Variants in PTPRD observed in about 807,000 individuals in gnomAD.
PTPRD encodes protein tyrosine phosphatase receptor type D, also known as receptor-type tyrosine-protein phosphatase delta.
PTPRD carries 34 observed loss-of-function variants against 214.5 expected under a neutral mutation model. The observed-to-expected ratio is 0.16, with a 90% CI of 0.12 to 0.21. The LOEUF (loss-of-function observed/expected upper bound fraction) is 0.21. PTPRD is among the 10% of genes least tolerant of loss of function. The probability of loss-of-function intolerance (pLI) is 1.00; values close to 1 mark genes in which losing one functional copy is unlikely to be tolerated. For missense variants in PTPRD, 2,545 were observed against 2,398.7 expected (o/e 1.06, Z -1.27); for synonymous variants, 1,128 against 845.7 (o/e 1.33, Z -5.79).
chr9:8,738,936 AT>A (rs1306797824), intron 11 of PTPRD, among the ~76,000 whole-genome samples: 6 of 152,350 alleles, frequency 3.9e-5, no homozygotes, highest in Admixed American at 3.9e-4. Flanking sequence ...CATAAAAGAT[AT>A]GCATTAAGTT....
At chr9:9,864,006 G>C (rs2063372945) in intron 5 of PTPRD, among the ~76,000 whole-genome samples, 1 of 152,080 alleles carries the variant, frequency 6.6e-6, no homozygotes, top group East Asian at 1.9e-4. Flanking sequence ...ATGAGGCCTA[G>C]TAAGTTTGAA....
At chr9:9,626,015 AATAGGTAAGCG>A in intron 7 of PTPRD, among the ~76,000 whole-genome samples, 1 of 152,200 alleles carries the variant, frequency 6.6e-6, no homozygotes, top group Non-Finnish European at 1.5e-5. Flanking sequence ...AGCAATCAAC[AATAGGTAAGCG>A]AAAGAGCATG....
chr9:8,539,984 T>C (rs1290810448), intron 14 of PTPRD, among the ~76,000 whole-genome samples: 1 of 152,140 alleles, frequency 6.6e-6, no homozygotes, highest in African/African-American at 2.4e-5. Flanking sequence ...CTGATTTCGA[T>C]AGTCCCATTG....
intron 2 of PTPRD, among the ~76,000 whole-genome samples, chr9:10,503,186 T>C (rs898131506): frequency 1.7e-4 from 2 of 12,018 alleles, no homozygotes; most frequent in South Asian, 7.3e-3. Flanking sequence ...GAGACACAGC[T>C]GCAATACAAA....
chr9:9,165,937 T>G (rs1038596078), intron 10 of PTPRD, among the ~76,000 whole-genome samples: 40 of 152,188 alleles, frequency 2.6e-4, no homozygotes, highest in Admixed American at 1.5e-3. Flanking sequence ...AACCAGCCTT[T>G]TCCCCTTAAG....
At chr9:9,000,122 T>C (rs2099412150) in intron 11 of PTPRD, among the ~76,000 whole-genome samples, 1 of 152,038 alleles carries the variant, frequency 6.6e-6, no homozygotes, top group African/African-American at 2.4e-5. Flanking sequence ...GAGATGTGTC[T>C]AACAAAGTTG....
At chr9:9,082,541 G>A (rs911636778) in intron 10 of PTPRD, among the ~76,000 whole-genome samples, 1 of 152,174 alleles carries the variant, frequency 6.6e-6, no homozygotes, top group African/African-American at 2.4e-5. Context: ...GGTATTGGAA[G>A]TTCCGGCCAG....
At chr9:8,428,884 G>A (rs2094865571) in intron 35 of PTPRD, among the ~76,000 whole-genome samples, 1 of 152,218 alleles carries the variant, frequency 6.6e-6, no homozygotes, top group Non-Finnish European at 1.5e-5. Context: ...TGAATACACT[G>A]TGGCACATGT....
intron 32 of PTPRD, among the ~76,000 whole-genome samples, chr9:8,464,339 T>G (rs2096495414): frequency 6.6e-6 from 1 of 152,026 alleles, no homozygotes; most frequent in South Asian, 2.1e-4. Context: ...ATGTTCTGCC[T>G]TAAAACCTTC....
At chr9:9,205,485 C>T (rs977287223) in intron 9 of PTPRD, among the ~76,000 whole-genome samples, 5 of 151,944 alleles carry the variant, frequency 3.3e-5, no homozygotes, top group African/African-American at 1.2e-4. Flanking sequence ...AATATAGATC[C>T]AAAAGAAACC....
At chr9:8,568,371 T>A (rs993453966) in intron 14 of PTPRD, among the ~76,000 whole-genome samples, 1 of 152,116 alleles carries the variant, frequency 6.6e-6, no homozygotes, top group Non-Finnish European at 1.5e-5. Context: ...TGACAGCAAC[T>A]TACACATTAC....
At chr9:9,356,131 A>C (rs1178954108) in intron 9 of PTPRD, among the ~76,000 whole-genome samples, 5 of 151,420 alleles carry the variant, frequency 3.3e-5, no homozygotes, top group Admixed American at 1.3e-4. Flanking sequence ...TATAGACATT[A>C]ATTTCAGGAA....
chr9:10,567,729 T>A (rs1266311721), intron 2 of PTPRD, among the ~76,000 whole-genome samples: 1 of 151,800 alleles, frequency 6.6e-6, no homozygotes, highest in Non-Finnish European at 1.5e-5. Context: ...AAATAATTAT[T>A]TGTCTCTGAA....
intron 3 of PTPRD, among the ~76,000 whole-genome samples, chr9:10,082,692 G>A (rs2098260258): frequency 6.6e-6 from 1 of 151,662 alleles, no homozygotes; most frequent in Admixed American, 6.6e-5. Flanking sequence ...ATGAACTTAA[G>A]AACAGCTGAC....
chr9:8,605,499 GA>G (rs1409539655), intron 14 of PTPRD, among the ~76,000 whole-genome samples: 2 of 152,288 alleles, frequency 1.3e-5, no homozygotes, highest in East Asian at 3.9e-4. Context: ...GAGCTTCAGT[GA>G]AGACTCCTCA....
chr9:9,384,616 C>T (rs1307267918), intron 9 of PTPRD, among the ~76,000 whole-genome samples: 1 of 151,704 alleles, frequency 6.6e-6, no homozygotes, highest in African/African-American at 2.4e-5. Flanking sequence ...GATTCCTTGA[C>T]ATTTAAAAAC....
At chr9:10,551,345 T>TA (rs1336728151) in intron 2 of PTPRD, among the ~76,000 whole-genome samples, 1 of 152,010 alleles carries the variant, frequency 6.6e-6, no homozygotes, top group Admixed American at 6.6e-5. Flanking sequence ...TCACCAAAAA[T>TA]AAAAAATAAA....
At chr9:9,787,077 C>A (rs2098930030) in intron 5 of PTPRD, among the ~76,000 whole-genome samples, 1 of 151,690 alleles carries the variant, frequency 6.6e-6, no homozygotes, top group South Asian at 2.1e-4. Context: ...GCGGAGGTTG[C>A]AGTGATCTGA....
chr9:9,142,128 G>C (rs1243127878), intron 10 of PTPRD, among the ~76,000 whole-genome samples: 2 of 152,230 alleles, frequency 1.3e-5, no homozygotes, highest in African/African-American at 4.8e-5. Context: ...TGCAAAACAA[G>C]TGTGGGTTGT....
Sources: allele counts gnomAD v4.1 joint callset (sites outside exome capture counted in the v4.1 genomes callset), GRCh38; gene constraint gnomAD v4.1.1; transcripts MANE v1.5; gene names NCBI Gene and HGNC (gene_info 2026-07-23, HGNC 2026-07-21).